DSCAM: variants seen among roughly 807,000 people sequenced by gnomAD.
The protein encoded by DSCAM is DS cell adhesion molecule.
In DSCAM, 47 loss-of-function variants were observed where a neutral mutation model predicts 217.7. The ratio of observed to expected loss-of-function variants is 0.22; its 90% CI spans 0.17 to 0.28. The LOEUF is 0.28. DSCAM is among the 10% of genes least tolerant of loss of function. The pLI is 1.00. For missense variants in DSCAM, 2,080 were observed against 2,618.3 expected (o/e 0.79, Z 4.49); for synonymous variants, 1,056 against 1,015.3 (o/e 1.04, Z -0.76).
intron 3 of DSCAM, among the ~76,000 whole-genome samples, chr21:40,666,070 C>T (rs1488142363): frequency 6.6e-6 from 1 of 152,202 alleles, no homozygotes; most frequent in African/African-American, 2.4e-5. Context: ...TGCATCCCTA[C>T]TCTCAGTGGG....
At chr21:40,175,365 C>G (rs575970268) in intron 15 of DSCAM, among the ~76,000 whole-genome samples, 2 of 152,312 alleles carry the variant, frequency 1.3e-5, no homozygotes, top group African/African-American at 4.8e-5. Flanking sequence ...CCCCCTGCCT[C>G]AGCCTCCCAA....
At chr21:40,596,165 G>A (rs575333847) in intron 3 of DSCAM, among the ~76,000 whole-genome samples, 8 of 152,144 alleles carry the variant, frequency 5.3e-5, no homozygotes, top group South Asian at 2.1e-4. Flanking sequence ...ACATCAACAC[G>A]GCTGACTCAC....
chr21:40,421,378 T>C (rs62223839), intron 3 of DSCAM, among the ~76,000 whole-genome samples: 9,514 of 152,308 alleles, frequency 0.062, 416 homozygotes, highest in African/African-American at 0.12. Flanking sequence ...AGCATAGTCA[T>C]AGGCAAGGGG....
chr21:40,842,821 G>A (rs775664143), intron 1 of DSCAM, among the ~76,000 whole-genome samples: 2 of 152,048 alleles, frequency 1.3e-5, no homozygotes, highest in Non-Finnish European at 2.9e-5. Context: ...AGCAAACCGT[G>A]GTCACACCAA....
chr21:40,316,846 T>C (rs2074202460), intron 8 of DSCAM, among the ~76,000 whole-genome samples: 4 of 152,146 alleles, frequency 2.6e-5, no homozygotes, highest in Non-Finnish European at 5.9e-5. Flanking sequence ...GACTGATATA[T>C]TTCTGTCTTG....
intron 3 of DSCAM, among the ~76,000 whole-genome samples, chr21:40,563,846 TTA>T (rs1178952421): frequency 1.3e-5 from 2 of 150,104 alleles, no homozygotes; most frequent in African/African-American, 2.4e-5. Context: ...GTTTATATGT[TTA>T]TATATGTTTA....
intron 32 of DSCAM, among the ~76,000 whole-genome samples, chr21:40,033,526 A>G (rs112208815): frequency 0.013 from 1,851 of 147,500 alleles, 72 homozygotes; most frequent in African/African-American, 0.046. Context: ...AGGGTCCCAC[A>G]CCCACTGAGT....
chr21:40,715,011 C>T (rs1352364797), intron 1 of DSCAM, among the ~76,000 whole-genome samples: 1 of 152,182 alleles, frequency 6.6e-6, no homozygotes, highest in African/African-American at 2.4e-5. Flanking sequence ...CTATCCTGAA[C>T]ACTTGCTTCT....
chr21:40,221,729 C>T (rs530349660), intron 11 of DSCAM, among the ~76,000 whole-genome samples: 157 of 152,282 alleles, frequency 1.0e-3, no homozygotes, highest in Non-Finnish European at 2.0e-3. Flanking sequence ...ACTCTTCTCA[C>T]GGCCGTTGTG....
intron 11 of DSCAM, among the ~76,000 whole-genome samples, chr21:40,245,447 A>T (rs2146950081): frequency 6.6e-6 from 1 of 152,328 alleles, no homozygotes. Flanking sequence ...CCAGTCCATC[A>T]TAGCTTGCTG....
chr21:40,138,877 G>T (rs1307584816), intron 18 of DSCAM, among the ~76,000 whole-genome samples: 1 of 145,820 alleles, frequency 6.9e-6, no homozygotes, highest in Non-Finnish European at 1.5e-5. Context: ...ATGTATATGT[G>T]GGGTGTGTGT....
rs190175499 is a variant in DSCAM, at chr21:40,772,793, T to C, written c.44-64022A>G. 6.2e-4 allele frequency among the ~76,000 whole-genome samples: 95 copies of C among 152,362 alleles called. 1 individual carries two copies. Among genetic ancestry groups the C allele is most frequent in the Admixed American group, 2.1e-3 (32 of 15,310 alleles). On this transcript the variant is annotated intron_variant, in intron 1 of 32. Coordinates refer to ENST00000400454, the MANE Select transcript of DSCAM (RefSeq NM_001389.5). The stretch of plus-strand genomic sequence containing the variant: ...CACGCAAATCACGTCCTCTCGTGGC[T>C]GCCACCATTATGGACCAGGGCCCGT...
intron 1 of DSCAM, among the ~76,000 whole-genome samples, chr21:40,757,808 T>C (rs1024129875): frequency 2.6e-5 from 4 of 152,198 alleles, no homozygotes; most frequent in Non-Finnish European, 4.4e-5. Context: ...CAAGTCTCGA[T>C]TGAATCCTCC....
At chr21:40,376,230 T>C (rs2074949083) in intron 3 of DSCAM, among the ~76,000 whole-genome samples, 1 of 152,078 alleles carries the variant, frequency 6.6e-6, no homozygotes, top group Non-Finnish European at 1.5e-5. Flanking sequence ...CGCCAATTGA[T>C]GGCCACACTG....
chr21:40,629,793 C>T (rs1184774078), intron 3 of DSCAM, among the ~76,000 whole-genome samples: 1 of 152,072 alleles, frequency 6.6e-6, no homozygotes, highest in Non-Finnish European at 1.5e-5. Flanking sequence ...ATAAAACTTC[C>T]ATGAGAAAAG....
intron 1 of DSCAM, among the ~76,000 whole-genome samples, chr21:40,762,728 A>G (rs754587452): frequency 3.3e-5 from 5 of 152,174 alleles, no homozygotes; most frequent in Non-Finnish European, 7.3e-5. Context: ...ATACTGGCAA[A>G]CCGAATCCAG....
chr21:40,725,728 T>G (rs1218869815), intron 1 of DSCAM, among the ~76,000 whole-genome samples: 1 of 152,186 alleles, frequency 6.6e-6, no homozygotes, highest in East Asian at 1.9e-4. Flanking sequence ...TGGGGTTCTC[T>G]GTAGTTGGAA....
chr21:40,113,989 A>G (rs1229270399), intron 20 of DSCAM, among the ~76,000 whole-genome samples: 1 of 152,042 alleles, frequency 6.6e-6, no homozygotes. Flanking sequence ...CATACTGCCC[A>G]AGGTAATTTA....
intron 30 of DSCAM, among the ~76,000 whole-genome samples, chr21:40,051,220 A>T (rs770939439): frequency 2.6e-5 from 4 of 152,210 alleles, no homozygotes; most frequent in Non-Finnish European, 4.4e-5. Flanking sequence ...CAGGACATCA[A>T]TTTCTCAGTC....
Sources: gnomAD v4.1 joint callset for allele counts (sites outside exome capture counted in the v4.1 genomes callset) on GRCh38, gnomAD v4.1.1 for gene constraint, MANE v1.5 for transcripts, NCBI Gene and HGNC (gene_info 2026-07-23, HGNC 2026-07-21) for gene names.